The following PREX2 variants were observed in gnomAD, a reference collection of about 807,000 sequenced individuals.
PREX2 encodes phosphatidylinositol-3,4,5-trisphosphate dependent Rac exchange factor 2.
A neutral mutation model predicts 203.2 loss-of-function variants in PREX2; 107 were observed. The ratio of observed to expected loss-of-function variants is 0.53; its 90% CI spans 0.45 to 0.62. The LOEUF is 0.62. PREX2 is among the 20% of genes least tolerant of loss of function. The pLI is 0.00. For synonymous variants in PREX2, 672 were observed against 663.6 expected (o/e 1.01, Z -0.19); for missense variants, 1,777 against 1,955.9 (o/e 0.91, Z 1.72).
At chr8:68,088,413 TAGTA>T (rs1217880611) in intron 19 of PREX2, among the ~76,000 whole-genome samples, 2 of 152,228 alleles carry the variant, frequency 1.3e-5, no homozygotes, top group Admixed American at 6.5e-5. Flanking sequence ...TTACTAAACA[TAGTA>T]AGTAACTTGC....
At chr8:68,014,628 CA>C (rs1807361774) in intron 1 of PREX2, among the ~76,000 whole-genome samples, 1 of 152,138 alleles carries the variant, frequency 6.6e-6, no homozygotes, top group Non-Finnish European at 1.5e-5. Flanking sequence ...CCAGCATCCC[CA>C]AGTGGTTGGG....
intron 35 of PREX2, among the ~76,000 whole-genome samples, chr8:68,171,344 G>A (rs1211777556): frequency 6.6e-6 from 1 of 152,144 alleles, no homozygotes; most frequent in Non-Finnish European, 1.5e-5. Context: ...AACAAGAAGT[G>A]CTACACAAAT....
Position 67,968,106 on chromosome 8 carries a change from C to A in PREX2, c.141+15571C>A, listed in dbSNP as rs868030045. 2.0e-5 allele frequency among the ~76,000 whole-genome samples: 3 copies of A among 151,928 alleles called. No homozygotes were observed. The South Asian group carries it at 6.2e-4, about 32-fold the overall frequency. On this transcript the variant is annotated intron_variant, in intron 1 of 39. Coordinates refer to ENST00000288368, the MANE Select transcript of PREX2 (RefSeq NM_024870.4). ...AAAAGAGTACCTTGCAAACCCTCCCCGGCTTTCTTCCTGTGGTATTGTCTC... is the reference window on the plus strand; with the variant it reads ...AAAAGAGTACCTTGCAAACCCTCCCAGGCTTTCTTCCTGTGGTATTGTCTC...
intron 1 of PREX2, among the ~76,000 whole-genome samples, chr8:68,014,880 C>T (rs1807369633): frequency 6.6e-6 from 1 of 152,162 alleles, no homozygotes; most frequent in Admixed American, 6.5e-5. Context: ...AATTAATCTG[C>T]TGAGTCAGAC....
chr8:68,046,570 G>T (rs1358194081), intron 8 of PREX2, among the ~76,000 whole-genome samples: 1 of 152,118 alleles, frequency 6.6e-6, no homozygotes, highest in Non-Finnish European at 1.5e-5. Flanking sequence ...ACCTTGTTGT[G>T]TATGAATTAG....
At chr8:68,113,075 A>G (rs1226682771) in intron 25 of PREX2, among the ~76,000 whole-genome samples, 4 of 152,196 alleles carry the variant, frequency 2.6e-5, no homozygotes, top group Non-Finnish European at 4.4e-5. Context: ...TTTTATACCA[A>G]TGAAAGTGAA....
intron 30 of PREX2, among the ~76,000 whole-genome samples, chr8:68,125,461 G>T (rs1450028463): frequency 2.6e-5 from 4 of 152,064 alleles, no homozygotes; most frequent in East Asian, 1.9e-4. Flanking sequence ...TAGAACTGTT[G>T]CAGTGCTATT....
At chr8:68,103,125 A>G (rs763763753) in intron 23 of PREX2, 23 of 380,544 alleles carry the variant, frequency 6.0e-5, no homozygotes, top group East Asian at 2.2e-4. Flanking sequence ...CAAAAATATT[A>G]CCTGCAGGAA....
At chr8:67,968,724 C>G (rs1389458507) in intron 1 of PREX2, among the ~76,000 whole-genome samples, 1 of 152,120 alleles carries the variant, frequency 6.6e-6, no homozygotes, top group African/African-American at 2.4e-5. Flanking sequence ...ACCTGTCTGC[C>G]TGATTGTTTC....
At chr8:68,185,213 G>A (rs1812166753) in intron 35 of PREX2, among the ~76,000 whole-genome samples, 1 of 151,996 alleles carries the variant, frequency 6.6e-6, no homozygotes, top group Non-Finnish European at 1.5e-5. Context: ...TCTGCTGATA[G>A]CTAAGTGTTA....
At chr8:68,130,455 C>T (rs926333012) in intron 31 of PREX2, among the ~76,000 whole-genome samples, 5 of 152,140 alleles carry the variant, frequency 3.3e-5, no homozygotes, top group African/African-American at 1.2e-4. Context: ...ACAAATTGCT[C>T]CTTCTCCATG....
chr8:68,085,830 G>A (rs1046346248), intron 18 of PREX2, among the ~76,000 whole-genome samples: 3 of 152,160 alleles, frequency 2.0e-5, no homozygotes, highest in Non-Finnish European at 1.5e-5. Flanking sequence ...TAGAAGGATA[G>A]AAAAGCCTTG....
At chr8:67,993,164 G>A (rs1291350505) in intron 1 of PREX2, among the ~76,000 whole-genome samples, 1 of 152,070 alleles carries the variant, frequency 6.6e-6, no homozygotes, top group Non-Finnish European at 1.5e-5. Flanking sequence ...ATTTGTGTCT[G>A]TTTCTTTTAA....
At position 68,134,197 on chromosome 8, in the gene PREX2, A is replaced by G; in HGVS notation, c.3905A>G (p.Glu1302Gly). 6.2e-7 allele frequency: 1 copy of G among 1,614,140 alleles called. No individual in the cohort carries two copies. The highest frequency in any genetic ancestry group is 8.5e-7 in the Non-Finnish European group (1 of 1,180,006). ...NSKENEMETW[E>G]ASRRWLDQIA... ...AAGGAAAATGAGATGGAAACTTGGGAAGCCAGCAGGAGGTGGCTGGACCAG... is the reference window on the plus strand; with the variant it reads ...AAGGAAAATGAGATGGAAACTTGGGGAGCCAGCAGGAGGTGGCTGGACCAG... The change falls in exon 32 of 40, where the codon GAA (glutamate) becomes GGA (glycine). Residue 1302 changes from glutamate (E) to glycine (G), a missense_variant. Coordinates refer to ENST00000288368, the MANE Select transcript of PREX2 (RefSeq NM_024870.4).
intron 35 of PREX2, among the ~76,000 whole-genome samples, chr8:68,188,947 G>A (rs1440773041): frequency 1.3e-5 from 2 of 152,318 alleles, no homozygotes; most frequent in East Asian, 3.9e-4. Flanking sequence ...TATTACAGGT[G>A]CTAGAGATGC....
chr8:67,963,248 T>A (rs1805679600), intron 1 of PREX2, among the ~76,000 whole-genome samples: 1 of 152,248 alleles, frequency 6.6e-6, no homozygotes, highest in Non-Finnish European at 1.5e-5. Context: ...GGTATGAGGA[T>A]GTGATGGCAG....
At chr8:68,092,772 T>C (rs1285316242) in intron 20 of PREX2, among the ~76,000 whole-genome samples, 1 of 152,202 alleles carries the variant, frequency 6.6e-6, no homozygotes, top group Non-Finnish European at 1.5e-5. Context: ...TGTACAATTA[T>C]AGATAATTGA....
intron 15 of PREX2, 105 bp downstream of exon 15, chr8:68,077,574 G>A (rs1809388593): frequency 1.2e-6 from 1 of 853,344 alleles, no homozygotes; most frequent in Non-Finnish European, 2.0e-6. Context: ...GGATGAGCCA[G>A]CAAGACTGTC....
chr8:68,092,890 G>A (rs1809925345), intron 20 of PREX2, among the ~76,000 whole-genome samples: 1 of 152,158 alleles, frequency 6.6e-6, no homozygotes, highest in Non-Finnish European at 1.5e-5. Context: ...CTGGGCTCAA[G>A]CGATCCTCCC....
Sources: allele counts gnomAD v4.1 joint callset (sites outside exome capture counted in the v4.1 genomes callset), GRCh38; gene constraint gnomAD v4.1.1; transcripts MANE v1.5; gene names NCBI Gene and HGNC (gene_info 2026-07-23, HGNC 2026-07-21).